DSCAM: variants seen among roughly 807,000 people sequenced by gnomAD.
DSCAM encodes cell adhesion molecule DSCAM.
Under a neutral mutation model 217.7 loss-of-function variants are expected in DSCAM, and 47 were observed. The ratio of observed to expected loss-of-function variants is 0.22; its 90% CI spans 0.17 to 0.28. The LOEUF (loss-of-function observed/expected upper bound fraction) is 0.28. Ranked by LOEUF, DSCAM falls within the 10% of genes least tolerant of loss-of-function variation. The pLI is 1.00. For synonymous variants in DSCAM, 1,056 were observed against 1,015.3 expected (o/e 1.04, Z -0.76); for missense variants, 2,080 against 2,618.3 (o/e 0.79, Z 4.49).
intron 1 of DSCAM, among the ~76,000 whole-genome samples, chr21:40,776,467 T>C (rs1464469720): frequency 6.6e-6 from 1 of 152,188 alleles, no homozygotes; most frequent in Non-Finnish European, 1.5e-5. Flanking sequence ...AGAAGATCTC[T>C]GATGCTCTGA....
At chr21:40,487,271 C>G (rs7410042) in intron 3 of DSCAM, among the ~76,000 whole-genome samples, 10 of 151,314 alleles carry the variant, frequency 6.6e-5, no homozygotes, top group African/African-American at 2.4e-4. Flanking sequence ...CTCTCTCTCT[C>G]TCTGTGTGTG....
chr21:40,691,879 T>C (rs1367747898), intron 3 of DSCAM, among the ~76,000 whole-genome samples: 1 of 152,184 alleles, frequency 6.6e-6, no homozygotes, highest in Non-Finnish European at 1.5e-5. Flanking sequence ...AGCTAATCAA[T>C]AAGCTGAGAA....
In DSCAM at chr21:40,807,041, T is replaced by G. The variant is rs148056637; in HGVS notation, c.43+39578A>C. Among the ~76,000 whole-genome samples the G allele has an allele frequency of 5.6e-3, 858 of 152,264 alleles. 3 individuals are homozygous for G. The highest frequency in any genetic ancestry group is 9.9e-3 in the Non-Finnish European group (670 of 68,016). On this transcript the variant is annotated intron_variant, in intron 1 of 32. Coordinates refer to ENST00000400454, the MANE Select transcript of DSCAM (RefSeq NM_001389.5). ...GGTTGATGGGTGCAGCAAACCACCA[T>G]AGCATGTGTATACCTATGTAACAAA...
intron 3 of DSCAM, among the ~76,000 whole-genome samples, chr21:40,413,187 A>C (rs1358266244): frequency 2.6e-5 from 4 of 152,202 alleles, no homozygotes; most frequent in Non-Finnish European, 5.9e-5. Context: ...GCAGAAGGGA[A>C]ATGTGGGGTC....
chr21:40,261,652 TACA>T (rs1177808051), intron 11 of DSCAM, among the ~76,000 whole-genome samples: 3 of 133,518 alleles, frequency 2.2e-5, no homozygotes, highest in South Asian at 2.4e-4. Context: ...TCTCTCTCTC[TACA>T]CACACACACA....
chr21:40,615,694 T>C (rs904957752), intron 3 of DSCAM, among the ~76,000 whole-genome samples: 9 of 152,268 alleles, frequency 5.9e-5, no homozygotes, highest in African/African-American at 2.2e-4. Context: ...AAGCTGGATG[T>C]ATTAAGTGGC....
intron 3 of DSCAM, among the ~76,000 whole-genome samples, chr21:40,658,868 T>C (rs2090104606): frequency 6.6e-6 from 1 of 152,202 alleles, no homozygotes; most frequent in Admixed American, 6.5e-5. Context: ...AAATCATAAA[T>C]TTAAGACATT....
intron 3 of DSCAM, among the ~76,000 whole-genome samples, chr21:40,377,815 G>A (rs1306835670): frequency 6.6e-6 from 1 of 152,038 alleles, no homozygotes; most frequent in Non-Finnish European, 1.5e-5. Flanking sequence ...GGGGAGGAGA[G>A]GACTTCTAAA....
At chr21:40,302,764 GTTTC>G (rs1234341863) in intron 9 of DSCAM, among the ~76,000 whole-genome samples, 2 of 152,226 alleles carry the variant, frequency 1.3e-5, no homozygotes, top group Middle Eastern at 3.4e-3. Flanking sequence ...TTTCAAATAG[GTTTC>G]TTTGAGGAAG....
intron 1 of DSCAM, among the ~76,000 whole-genome samples, chr21:40,721,560 C>A (rs1264435541): frequency 6.6e-6 from 1 of 152,068 alleles, no homozygotes; most frequent in African/African-American, 2.4e-5. Context: ...GGATTAATGG[C>A]AGATTACACC....
intron 21 of DSCAM, among the ~76,000 whole-genome samples, chr21:40,091,745 G>A (rs1180839598): frequency 6.6e-6 from 1 of 152,128 alleles, no homozygotes; most frequent in Non-Finnish European, 1.5e-5. Flanking sequence ...GAAGGTGAAT[G>A]AGGAGCATAG....
At chr21:40,329,326 C>T (rs1569066237) in intron 8 of DSCAM, among the ~76,000 whole-genome samples, 2 of 151,374 alleles carry the variant, frequency 1.3e-5, no homozygotes, top group African/African-American at 4.9e-5. Flanking sequence ...CAATGGTTGC[C>T]AAAAAAAGGG....
rs144590646 is a variant in DSCAM at position 40,445,171 on chromosome 21, C to A, written c.509-75926G>T. On this transcript the variant is annotated intron_variant, in intron 3 of 32. Coordinates refer to ENST00000400454, the MANE Select transcript of DSCAM (RefSeq NM_001389.5). Reference sequence around the variant, plus strand: ...TAATCCCATTCATGAGAGTGGAGTTCTCATGTCTTAATCACTTCCCAAAAG... The same window carrying A: ...TAATCCCATTCATGAGAGTGGAGTTATCATGTCTTAATCACTTCCCAAAAG... 1.6e-4 allele frequency among the ~76,000 whole-genome samples: 24 copies of A among 152,254 alleles called. No homozygotes were observed. The East Asian group carries it at 4.6e-3, about 29-fold the overall frequency.
intron 1 of DSCAM, among the ~76,000 whole-genome samples, chr21:40,765,670 G>A (rs768838550): frequency 4.6e-5 from 7 of 152,174 alleles, no homozygotes; most frequent in Non-Finnish European, 8.8e-5. Flanking sequence ...TTGTGAGAAG[G>A]TGTTTCCTCC....
intron 4 of DSCAM, among the ~76,000 whole-genome samples, chr21:40,360,162 C>T (rs1315913974): frequency 2.6e-4 from 31 of 121,174 alleles, no homozygotes; most frequent in Non-Finnish European, 3.2e-4. Flanking sequence ...GACAGAGTCT[C>T]GCTCAGTTGC....
intron 3 of DSCAM, among the ~76,000 whole-genome samples, chr21:40,458,573 C>T (rs1035869662): frequency 3.9e-5 from 6 of 151,964 alleles, no homozygotes; most frequent in Admixed American, 2.6e-4. Flanking sequence ...TTAATAAAAA[C>T]GTAAATACAA....
chr21:40,256,219 A>G (rs2073367898), intron 11 of DSCAM, among the ~76,000 whole-genome samples: 1 of 152,220 alleles, frequency 6.6e-6, no homozygotes, highest in South Asian at 2.1e-4. Context: ...ACGGCATGTT[A>G]AAATATGCAC....
At chr21:40,386,596 G>T (rs749831436) in intron 3 of DSCAM, among the ~76,000 whole-genome samples, 40 of 152,334 alleles carry the variant, frequency 2.6e-4, no homozygotes, top group Non-Finnish European at 4.9e-4. Flanking sequence ...AAATGAAATA[G>T]TGAGTGCCCG....
At position 40,078,580 on chromosome 21, in the gene DSCAM, G is replaced by A. The variant is rs2089402935; in HGVS notation, c.4711+107C>T. The stretch of plus-strand genomic sequence containing the variant: ...CCCGAAAGCCTAATGGGCTCCGTGG[G>A]CACTGGTCAAACTATGGCAAAGATG... On this transcript the variant is annotated intron_variant, in intron 26 of 32. Transcript: ENST00000400454. 4.9e-6 allele frequency: 7 copies of A among 1,439,446 alleles called. No individual in the cohort carries two copies. The Admixed American group carries it at 1.3e-4, about 27-fold the overall frequency. 89.2% of individuals were successfully genotyped at this position (1,439,446 alleles called of 1,614,324 possible). A position where few individuals can be genotyped will look rare whatever the true frequency, so the allele number is the denominator to read the frequency against.
Sources: gnomAD v4.1 joint callset for allele counts (sites outside exome capture counted in the v4.1 genomes callset) on GRCh38, gnomAD v4.1.1 for gene constraint, MANE v1.5 for transcripts, NCBI Gene and HGNC (gene_info 2026-07-23, HGNC 2026-07-21) for gene names.